EPHA6: variants seen among roughly 807,000 people sequenced by gnomAD.
EPHA6 encodes EPH receptor A6, also known as ephrin type-A receptor 6.
EPHA6 carries 50 observed loss-of-function variants against 112.0 expected under a neutral mutation model. The ratio of observed to expected loss-of-function variants is 0.45; its 90% CI spans 0.36 to 0.56. EPHA6 has a LOEUF of 0.56. Among genes scored for constraint, EPHA6 ranks in the 20% least tolerant of loss-of-function variants. The pLI, the probability that EPHA6 is intolerant of heterozygous loss-of-function variation, is 0.00. For missense variants in EPHA6, 1,280 were observed against 1,417.4 expected, an observed-to-expected ratio of 0.90 and a Z score of 1.56; for synonymous variants, 529 against 490.7, an observed-to-expected ratio of 1.08 and a Z score of -1.03.
intron 5 of EPHA6, among the ~76,000 whole-genome samples, chr3:97,317,320 C>A (rs1022205529): frequency 2.6e-5 from 4 of 151,918 alleles, no homozygotes; most frequent in African/African-American, 9.7e-5. Context: ...TCTAAGAGTT[C>A]AATGATAAGA....
chr3:97,670,073 T>G (rs1205141888), intron 14 of EPHA6, among the ~76,000 whole-genome samples: 2 of 152,138 alleles, frequency 1.3e-5, no homozygotes, highest in African/African-American at 2.4e-5. Flanking sequence ...CCTAAAAAAA[T>G]TATTTCTTCT....
intron 10 of EPHA6, among the ~76,000 whole-genome samples, chr3:97,521,911 G>C (rs1377270313): frequency 7.0e-6 from 1 of 143,688 alleles, no homozygotes; most frequent in Non-Finnish European, 1.5e-5. Context: ...CTGTCTTCTG[G>C]AGAGCCTTTT....
chr3:97,636,382 C>T (rs2093945189), intron 13 of EPHA6, among the ~76,000 whole-genome samples: 1 of 152,004 alleles, frequency 6.6e-6, no homozygotes, highest in South Asian at 2.1e-4. Context: ...AGTGTACTGT[C>T]TAAGAAGATG....
At chr3:96,949,854 T>C (rs2041451274) in intron 2 of EPHA6, among the ~76,000 whole-genome samples, 2 of 152,172 alleles carry the variant, frequency 1.3e-5, no homozygotes, top group Admixed American at 6.5e-5. Flanking sequence ...TATCAAAATA[T>C]GTTCTGTAGC....
chr3:97,377,438 G>A (rs2085437796), intron 5 of EPHA6, among the ~76,000 whole-genome samples: 1 of 152,048 alleles, frequency 6.6e-6, no homozygotes, highest in Non-Finnish European at 1.5e-5. Flanking sequence ...GAAAACACCA[G>A]ACTAATACAG....
At chr3:97,614,305 G>A (rs979659378) in intron 13 of EPHA6, among the ~76,000 whole-genome samples, 2 of 150,116 alleles carry the variant, frequency 1.3e-5, no homozygotes, top group African/African-American at 4.9e-5. Context: ...GTGCAAGATG[G>A]TGTGTTCATG....
intron 7 of EPHA6, among the ~76,000 whole-genome samples, chr3:97,469,130 C>T (rs990187678): frequency 2.0e-5 from 3 of 151,616 alleles, no homozygotes; most frequent in Admixed American, 6.6e-5. Context: ...ATGAAGGTAT[C>T]GAGTTATAAA....
chr3:96,827,555 A>G (rs972658865), intron 1 of EPHA6, among the ~76,000 whole-genome samples: 2 of 152,134 alleles, frequency 1.3e-5, no homozygotes, highest in African/African-American at 2.4e-5. Flanking sequence ...GAAGTGTGCT[A>G]GAAAGCAATT....
intron 3 of EPHA6, among the ~76,000 whole-genome samples, chr3:97,027,187 A>G (rs1272079711): frequency 6.6e-6 from 1 of 152,144 alleles, no homozygotes; most frequent in East Asian, 1.9e-4. Flanking sequence ...CTAACACAGG[A>G]ACAGAAAACT....
chr3:96,989,400 T>C (rs899758323), intron 3 of EPHA6, among the ~76,000 whole-genome samples: 1 of 152,202 alleles, frequency 6.6e-6, no homozygotes, highest in Admixed American at 6.5e-5. Flanking sequence ...GTATGTTTCA[T>C]TCAAGTTTAG....
chr3:97,137,983 A>G (rs1264825953), intron 3 of EPHA6, among the ~76,000 whole-genome samples: 4 of 152,168 alleles, frequency 2.6e-5, no homozygotes, highest in African/African-American at 4.8e-5. Context: ...AATCTACACA[A>G]TCAAATAGGT....
At chr3:97,602,215 A>C (rs1045093800) in intron 12 of EPHA6, among the ~76,000 whole-genome samples, 3 of 152,020 alleles carry the variant, frequency 2.0e-5, no homozygotes, top group Non-Finnish European at 4.4e-5. Flanking sequence ...ATTTATTTTT[A>C]ATGGAACCTT....
chr3:97,164,138 T>A (rs760325075), intron 3 of EPHA6, among the ~76,000 whole-genome samples: 7 of 152,208 alleles, frequency 4.6e-5, no homozygotes, highest in Non-Finnish European at 8.8e-5. Context: ...TTGACATACA[T>A]GTCCAAAAAT....
At chr3:96,833,563 G>C (rs1298339411) in intron 1 of EPHA6, among the ~76,000 whole-genome samples, 3 of 151,924 alleles carry the variant, frequency 2.0e-5, no homozygotes, top group Non-Finnish European at 2.9e-5. Context: ...CATTCTTAAG[G>C]AGTAAACTAT....
intron 7 of EPHA6, among the ~76,000 whole-genome samples, chr3:97,474,808 T>C (rs1414968533): frequency 4.6e-5 from 7 of 152,020 alleles, no homozygotes; most frequent in Non-Finnish European, 1.0e-4. Flanking sequence ...TATTGCTGAT[T>C]AAACATCTAA....
chr3:97,491,869 G>T (rs971384407), intron 10 of EPHA6, among the ~76,000 whole-genome samples: 3 of 152,032 alleles, frequency 2.0e-5, no homozygotes, highest in African/African-American at 2.4e-5. Context: ...GAGTTGTAAG[G>T]CCACTTGAGG....
intron 3 of EPHA6, among the ~76,000 whole-genome samples, chr3:97,030,744 A>G (rs2044800048): frequency 6.6e-6 from 1 of 152,072 alleles, no homozygotes; most frequent in Non-Finnish European, 1.5e-5. Flanking sequence ...TATTATTGCT[A>G]AAATTGAAGA....
intron 15 of EPHA6, among the ~76,000 whole-genome samples, chr3:97,725,062 T>C (rs2034699655): frequency 6.6e-6 from 1 of 152,064 alleles, no homozygotes; most frequent in African/African-American, 2.4e-5. Flanking sequence ...AAGTAGGAAA[T>C]TTTTTCATCA....
chr3:97,539,118 TTC>T (rs2092810598), intron 11 of EPHA6, among the ~76,000 whole-genome samples: 4 of 148,288 alleles, frequency 2.7e-5, no homozygotes, highest in African/African-American at 1.0e-4. Flanking sequence ...CTTTCTTTCT[TTC>T]TTTCTTTTTC....
Sources: allele counts gnomAD v4.1 joint callset (sites outside exome capture counted in the v4.1 genomes callset), GRCh38; gene constraint gnomAD v4.1.1; transcripts MANE v1.5; gene names NCBI Gene and HGNC (gene_info 2026-07-23, HGNC 2026-07-21).